The following BBS9 variants were observed in gnomAD, a reference collection of about 807,000 sequenced individuals.
BBS9 encodes Bardet-Biedl syndrome 9, also known as protein PTHB1.
In BBS9, 89 loss-of-function variants were observed where a neutral mutation model predicts 117.7. That is an observed-to-expected ratio of 0.76 (90% CI 0.64 to 0.90). BBS9 has a LOEUF of 0.90. BBS9 is among the 40% of genes least tolerant of loss of function. The pLI is 0.00. For missense variants in BBS9, 982 were observed against 1,042.2 expected, an observed-to-expected ratio of 0.94 and a Z score of 0.80; for synonymous variants, 379 against 370.9, an observed-to-expected ratio of 1.02 and a Z score of -0.25.
chr7:33,169,786 C>G (rs1396038359), intron 4 of BBS9, among the ~76,000 whole-genome samples: 3 of 151,316 alleles, frequency 2.0e-5, no homozygotes, highest in African/African-American at 7.3e-5. Flanking sequence ...ATGGTAGTTT[C>G]TTTTGCTGTG....
At chr7:33,410,938 T>C (rs1168503348) in intron 19 of BBS9, among the ~76,000 whole-genome samples, 1 of 149,884 alleles carries the variant, frequency 6.7e-6, no homozygotes. Flanking sequence ...TCACCTCTTA[T>C]TTCATGTATC....
At chr7:33,635,118 A>AG (rs1426740964) in intron 21 of BBS9, among the ~76,000 whole-genome samples, 1 of 152,096 alleles carries the variant, frequency 6.6e-6, no homozygotes, top group South Asian at 2.1e-4. Flanking sequence ...TGGATGTGGT[A>AG]GCTGTGGGTG....
intron 19 of BBS9, among the ~76,000 whole-genome samples, chr7:33,449,299 C>T (rs771498951): frequency 4.6e-5 from 7 of 152,092 alleles, no homozygotes; most frequent in Admixed American, 1.3e-4. Flanking sequence ...GGAGGGGGTA[C>T]GTGAATTACC....
intron 11 of BBS9, among the ~76,000 whole-genome samples, chr7:33,341,882 C>T (rs1816640309): frequency 6.6e-6 from 1 of 152,130 alleles, no homozygotes. Context: ...TTGATTATAT[C>T]TCACTGACTG....
intron 21 of BBS9, among the ~76,000 whole-genome samples, chr7:33,629,369 T>G (rs1865784674): frequency 6.6e-6 from 1 of 152,170 alleles, no homozygotes; most frequent in Admixed American, 6.5e-5. Context: ...AATTTTTGTT[T>G]CCTTTGTTTT....
At chr7:33,410,828 CTCCTACAACTTTTCTTTG>C (rs1830987533) in intron 19 of BBS9, among the ~76,000 whole-genome samples, 1 of 152,016 alleles carries the variant, frequency 6.6e-6, no homozygotes, top group Non-Finnish European at 1.5e-5. Context: ...ATAGACCTGC[CTCCTACAACTTTTCTTTG>C]TGTTTCTCTT....
intron 4 of BBS9, among the ~76,000 whole-genome samples, chr7:33,163,377 A>G (rs1184854799): frequency 6.6e-6 from 1 of 151,896 alleles, no homozygotes. Context: ...CTCTTTTTCT[A>G]TTGATTGGAA....
At chr7:33,384,615 A>G (rs949075361) in intron 18 of BBS9, among the ~76,000 whole-genome samples, 2 of 151,984 alleles carry the variant, frequency 1.3e-5, no homozygotes, top group African/African-American at 4.8e-5. Context: ...CAAGAGGGGA[A>G]TTTTGAGAGA....
At chr7:33,569,231 C>T (rs763959004) in intron 21 of BBS9, among the ~76,000 whole-genome samples, 7 of 152,136 alleles carry the variant, frequency 4.6e-5, no homozygotes, top group Admixed American at 1.3e-4. Context: ...ACAAACGCTT[C>T]GCTCAAGTTA....
chr7:33,529,428 A>G (rs1850215702), intron 20 of BBS9, among the ~76,000 whole-genome samples: 1 of 152,214 alleles, frequency 6.6e-6, no homozygotes, highest in Admixed American at 6.5e-5. Flanking sequence ...ACTTGGGTAA[A>G]GCCAAGGTCT....
At chr7:33,595,470 C>A (rs1862589976) in intron 21 of BBS9, among the ~76,000 whole-genome samples, 1 of 152,070 alleles carries the variant, frequency 6.6e-6, no homozygotes. Context: ...GAATGCAAAT[C>A]AAAACTACAA....
At chr7:33,213,078 G>A (rs901221754) in intron 5 of BBS9, among the ~76,000 whole-genome samples, 2 of 152,188 alleles carry the variant, frequency 1.3e-5, no homozygotes, top group African/African-American at 2.4e-5. Flanking sequence ...ATGCCAGCCA[G>A]GTTTGTGCCC....
chr7:33,581,204 GA>G (rs989615557), intron 21 of BBS9, among the ~76,000 whole-genome samples: 2 of 151,968 alleles, frequency 1.3e-5, no homozygotes, highest in African/African-American at 2.4e-5. Context: ...TTGCTTCGGG[GA>G]AAAAGACTAT....
chr7:33,444,764 A>G (rs1009669009), intron 19 of BBS9, among the ~76,000 whole-genome samples: 1 of 152,206 alleles, frequency 6.6e-6, no homozygotes, highest in African/African-American at 2.4e-5. Context: ...TTTTTATTCT[A>G]GGAGCTCTAG....
chr7:33,618,424 A>G (rs1865248787), intron 21 of BBS9, among the ~76,000 whole-genome samples: 1 of 152,214 alleles, frequency 6.6e-6, no homozygotes, highest in Non-Finnish European at 1.5e-5. Context: ...ATGAGAATGT[A>G]GTTAAATTGA....
At chr7:33,436,467 A>G (rs1315314137) in intron 19 of BBS9, among the ~76,000 whole-genome samples, 1 of 152,218 alleles carries the variant, frequency 6.6e-6, no homozygotes, top group Non-Finnish European at 1.5e-5. Flanking sequence ...TTAGTTTCCT[A>G]AGGATTATAT....
chr7:33,589,371 A>G (rs1204422195), intron 21 of BBS9, among the ~76,000 whole-genome samples: 1 of 152,128 alleles, frequency 6.6e-6, no homozygotes, highest in African/African-American at 2.4e-5. Context: ...AAAACTTGTG[A>G]ATTATTTCTG....
intron 21 of BBS9, among the ~76,000 whole-genome samples, chr7:33,587,343 A>G (rs557386006): frequency 1.3e-5 from 2 of 151,842 alleles, no homozygotes; most frequent in East Asian, 3.9e-4. Flanking sequence ...TGCTTCTTGG[A>G]GCTCCTATTC....
intron 21 of BBS9, among the ~76,000 whole-genome samples, chr7:33,582,535 CACACACACACACAT>C (rs1334806029): frequency 2.0e-5 from 3 of 151,968 alleles, no homozygotes; most frequent in Non-Finnish European, 4.4e-5. Context: ...CACACACACA[CACACACACACACAT>C]ACACACACTG....
Sources: gnomAD v4.1 joint callset for allele counts (sites outside exome capture counted in the v4.1 genomes callset) on GRCh38, gnomAD v4.1.1 for gene constraint, MANE v1.5 for transcripts, NCBI Gene and HGNC (gene_info 2026-07-23, HGNC 2026-07-21) for gene names.